Variants in BCAP31 observed in about 807,000 individuals in gnomAD.
BCAP31 encodes B-cell receptor-associated protein 31.
For missense variants in BCAP31, 124 were observed against 193.0 expected (o/e 0.64, Z 2.12); for synonymous variants, 75 against 80.9 (o/e 0.93, Z 0.39).
At chrX:153,701,742 C>A (rs1417041537) in intron 7 of BCAP31, among the ~76,000 whole-genome samples, 2 of 113,155 alleles carry the variant, frequency 1.8e-5, no homozygotes, top group African/African-American at 6.4e-5. Flanking sequence ...CATGGCTGCG[C>A]CTGAGCACGA....
At chrX:153,723,460 C>A in intron 1 of BCAP31, 172 bp from the exon 2 acceptor site, 2 of 1,144,686 alleles carry the variant, frequency 1.7e-6, no homozygotes, top group African/African-American at 1.8e-5. Flanking sequence ...GGCCTCTTGG[C>A]CAGCAGCGTT....
intron 2 of BCAP31, among the ~76,000 whole-genome samples, chrX:153,721,498 T>C (rs1171583928): frequency 1.1e-5 from 1 of 92,134 alleles, no homozygotes; most frequent in Non-Finnish European, 2.2e-5. Context: ...AAAACTAATC[T>C]TTTTTTTTTT....
intron 1 of BCAP31, chrX:153,723,624 G>T: frequency 8.6e-7 from 1 of 1,167,390 alleles, no homozygotes; most frequent in South Asian, 1.9e-5. Flanking sequence ...TTCGGGAAGA[G>T]CAGTGCCAGG....
At chrX:153,723,790 C>A in intron 1 of BCAP31, 1 of 847,643 alleles carries the variant, frequency 1.2e-6, no homozygotes, top group Non-Finnish European at 1.6e-6. Context: ...CCCCCGCCTC[C>A]CACCGTCCCC....
In BCAP31 at chrX:153,723,264, C is replaced by A; in HGVS notation, c.-20G>T. On this transcript the variant is annotated 5_prime_UTR_variant, in exon 2 of 8. Transcript: ENST00000345046. ...ACTCATCCTGTTGCTAGAAGGTTTC[C>A]CACAGGAAGATGTGAGCTTGTTTCC... 1 of 1,205,679 alleles carries A rather than the reference C, an allele frequency of 8.3e-7. No homozygotes were observed. The highest frequency in any genetic ancestry group is 1.1e-6 in the Non-Finnish European group (1 of 892,261).
chrX:153,714,979 C>T (rs782278159), intron 4 of BCAP31, among the ~76,000 whole-genome samples: 3 of 111,445 alleles, frequency 2.7e-5, no homozygotes, highest in African/African-American at 9.8e-5. Flanking sequence ...TAGTTTTGCC[C>T]GACTAGTTAC....
intron 4 of BCAP31, among the ~76,000 whole-genome samples, chrX:153,707,569 G>C (rs782216353): frequency 8.9e-6 from 1 of 111,915 alleles, no homozygotes; most frequent in Non-Finnish European, 1.9e-5. Context: ...GGCAGACACA[G>C]AGCTGCTCAG....
chrX:153,723,306 G>A lies in BCAP31; in HGVS notation c.-44-18C>T, dbSNP rs782236461. ...CTTGTTTCCTGGCAGGGCACAAAAG[G>A]TACGGGACTTGTAAGCGCTGGGCAG... On this transcript the variant is annotated intron_variant, in intron 1 of 7. Transcript: ENST00000345046. The A allele has an allele frequency of 3.3e-5, 39 of 1,180,580 alleles. No individual in the cohort carries two copies. The African/African-American group carries it at 4.1e-4, about 12-fold the overall frequency.
chrX:153,704,872 C>T (rs1339268422), intron 4 of BCAP31: 3 of 111,934 alleles, frequency 2.7e-5, no homozygotes, highest in Middle Eastern at 4.6e-3. Flanking sequence ...AGGACACAGG[C>T]GCAGGCTGCC....
At chrX:153,707,190 C>A (rs1261331530) in intron 4 of BCAP31, among the ~76,000 whole-genome samples, 4 of 110,933 alleles carry the variant, frequency 3.6e-5, no homozygotes, top group African/African-American at 1.3e-4. Flanking sequence ...GCTCCTGCAG[C>A]AGCCCCCCAG....
chrX:153,701,312 G>C (rs2091516774), intron 7 of BCAP31, among the ~76,000 whole-genome samples: 1 of 112,474 alleles, frequency 8.9e-6, no homozygotes, highest in Admixed American at 9.3e-5. Context: ...GCACACCTTT[G>C]ACAGGTGCCC....
chrX:153,702,874 A>G, intron 6 of BCAP31, 61 bp downstream of exon 6: 1 of 1,186,992 alleles, frequency 8.4e-7, no homozygotes, highest in Non-Finnish European at 1.1e-6. Flanking sequence ...AATGGGCAGC[A>G]GCGGGCAGAG....
chrX:153,702,748 C>T (rs1192790383), intron 6 of BCAP31, among the ~76,000 whole-genome samples, 187 bp downstream of exon 6: 11 of 112,955 alleles, frequency 9.7e-5, no homozygotes, highest in African/African-American at 3.5e-4. Context: ...CTTAGCCTCA[C>T]TGGCCTGCCG....
chrX:153,722,082 C>T (rs936507305), intron 2 of BCAP31, among the ~76,000 whole-genome samples: 2 of 111,514 alleles, frequency 1.8e-5, no homozygotes, highest in Non-Finnish European at 3.8e-5. Context: ...CTATATCCCC[C>T]GACCCTGTTA....
chrX:153,722,602 G>A (rs782331639), intron 2 of BCAP31, among the ~76,000 whole-genome samples: 1 of 112,112 alleles, frequency 8.9e-6, no homozygotes, highest in African/African-American at 3.2e-5. Flanking sequence ...TTGTAATATC[G>A]TAATTTAAAT....
intron 4 of BCAP31, among the ~76,000 whole-genome samples, chrX:153,714,097 G>A (rs782573078): frequency 1.0e-4 from 11 of 107,851 alleles, no homozygotes; most frequent in South Asian, 4.2e-4. Context: ...GGCTGGTCTC[G>A]AACTCCTGAC....
At chrX:153,714,823 C>T (rs1169335127) in intron 4 of BCAP31, among the ~76,000 whole-genome samples, 3 of 110,815 alleles carry the variant, frequency 2.7e-5, no homozygotes, top group African/African-American at 9.8e-5. Context: ...AGAGCTCCAC[C>T]CTCAAAGCAA....
rs2091521724 is a variant in BCAP31 at position 153,702,035 on chromosome X, C to T, written c.674G>A (p.Arg225His). The T allele has an allele frequency of 2.5e-6, 3 of 1,211,225 alleles. No homozygotes were observed. Among genetic ancestry groups the T allele is most frequent in the Admixed American group, 2.2e-5 (1 of 46,051 alleles). The stretch of plus-strand genomic sequence containing the variant: ...CAGCTTTGCGTGCTCCTCCAGCAAG[C>T]GGTCGTACTCCTTGGTGAGGCCCTC... ...QSEGLTKEYD[R>H]LLEEHAKLQA... The change falls in exon 7 of 8, where the codon CGC (arginine) becomes CAC (histidine). Residue 225 changes from arginine to histidine, a missense_variant. Transcript: ENST00000345046.
intron 4 of BCAP31, among the ~76,000 whole-genome samples, chrX:153,713,881 C>CTTTTTTTTTTTT (rs1209475410): frequency 3.1e-5 from 2 of 63,532 alleles, no homozygotes; most frequent in African/African-American, 7.5e-5. Context: ...CGATACTATT[C>CTTTTTTTTTTTT]TTTTTTTTTT....
Sources: gnomAD v4.1 joint callset for allele counts (sites outside exome capture counted in the v4.1 genomes callset) on GRCh38, gnomAD v4.1.1 for gene constraint, MANE v1.5 for transcripts, NCBI Gene and HGNC (gene_info 2026-07-23, HGNC 2026-07-21) for gene names.